Variants in FBXL13 observed in about 807,000 individuals in gnomAD.
The protein encoded by FBXL13 is F-box and leucine-rich repeat protein 13.
FBXL13 carries 67 observed loss-of-function variants against 83.6 expected under a neutral mutation model. That is an observed-to-expected ratio of 0.80 (90% confidence interval 0.66 to 0.98). FBXL13 has a LOEUF of 0.98. FBXL13 is among the 50% of genes least tolerant of loss of function. The pLI is 0.00. For missense variants in FBXL13, 822 were observed against 866.5 expected (o/e 0.95, Z 0.64); for synonymous variants, 272 against 299.5 (o/e 0.91, Z 0.95).
At chr7:103,032,090 A>G (rs1794566545) in intron 2 of FBXL13, among the ~76,000 whole-genome samples, 1 of 152,224 alleles carries the variant, frequency 6.6e-6, no homozygotes, top group African/African-American at 2.4e-5. Context: ...ACATGTTTTT[A>G]TAGATTAGGA....
At chr7:102,875,837 G>A (rs1400807311) in intron 16 of FBXL13, among the ~76,000 whole-genome samples, 1 of 152,092 alleles carries the variant, frequency 6.6e-6, no homozygotes, top group Non-Finnish European at 1.5e-5. Context: ...CTTCATTCAG[G>A]GAAGCTGGAA....
chr7:102,831,187 A>G (rs1299300537), intron 18 of FBXL13, among the ~76,000 whole-genome samples: 1 of 152,176 alleles, frequency 6.6e-6, no homozygotes, highest in Non-Finnish European at 1.5e-5. Context: ...AAGTGCTTGA[A>G]TATCTCTGCA....
chr7:102,969,528 T>C (rs905750306), intron 6 of FBXL13, among the ~76,000 whole-genome samples: 2 of 151,554 alleles, frequency 1.3e-5, no homozygotes, highest in Non-Finnish European at 2.9e-5. Context: ...TCCAGGATTA[T>C]GAAACAGAAA....
At chr7:102,967,125 A>G (rs1388471172) in intron 7 of FBXL13, among the ~76,000 whole-genome samples, 1 of 152,040 alleles carries the variant, frequency 6.6e-6, no homozygotes, top group Non-Finnish European at 1.5e-5. Context: ...GCACGCTACC[A>G]TGCCCAGCTA....
intron 9 of FBXL13, among the ~76,000 whole-genome samples, chr7:102,926,842 A>ATG (rs1204802644): frequency 2.0e-5 from 3 of 152,204 alleles, no homozygotes; most frequent in Admixed American, 6.5e-5. Context: ...TTATACATAG[A>ATG]TGTGTGTGTA....
intron 6 of FBXL13, among the ~76,000 whole-genome samples, chr7:102,993,360 A>G (rs1435729426): frequency 6.6e-6 from 1 of 152,242 alleles, no homozygotes; most frequent in African/African-American, 2.4e-5. Context: ...AAAATGAGTC[A>G]TCAACACAGT....
exon 8 of FBXL13, chr7:102,963,570 A>G: frequency 1.9e-6 from 3 of 1,613,200 alleles, no homozygotes; most frequent in Non-Finnish European, 2.5e-6. Context: ...GAAGACAACC[A>G]CGAAAATTCA....
At chr7:103,071,217 G>GA (rs934578592) in intron 1 of FBXL13, among the ~76,000 whole-genome samples, 8 of 148,454 alleles carry the variant, frequency 5.4e-5, no homozygotes, top group South Asian at 2.1e-4. Context: ...TAAAGAAAAA[G>GA]AAAAAAAAAG....
intron 10 of FBXL13, among the ~76,000 whole-genome samples, chr7:102,925,220 C>T (rs1431076848): frequency 6.6e-6 from 1 of 151,930 alleles, no homozygotes; most frequent in Non-Finnish European, 1.5e-5. Context: ...ATGGTGAAAC[C>T]CCATCTCTAC....
chr7:102,963,591 A>G, exon 8 of FBXL13: 1 of 1,613,292 alleles, frequency 6.2e-7, no homozygotes, highest in Non-Finnish European at 8.5e-7. Context: ...AACGCAGCAC[A>G]TTTAAACGCC....
chr7:103,024,379 T>A (rs1277102204), intron 6 of FBXL13, among the ~76,000 whole-genome samples: 1 of 151,440 alleles, frequency 6.6e-6, no homozygotes, highest in African/African-American at 2.4e-5. Flanking sequence ...ATACAAAAAA[T>A]TAGCTGGGCG....
downstream of FBXL13, among the ~76,000 whole-genome samples, chr7:102,812,177 G>C (rs142273919): frequency 1.3e-5 from 2 of 152,280 alleles, no homozygotes; most frequent in African/African-American, 4.8e-5. Flanking sequence ...CTTGGACTGT[G>C]TCAACATCAG....
At chr7:103,066,455 G>C (rs546551492) in intron 1 of FBXL13, among the ~76,000 whole-genome samples, 1,687 of 151,558 alleles carry the variant, frequency 0.011, 23 homozygotes, top group Non-Finnish European at 0.016. Context: ...GTAGCGGTGC[G>C]ATCTCGGCTC....
intron 6 of FBXL13, among the ~76,000 whole-genome samples, chr7:102,986,662 T>G (rs1254078537): frequency 6.6e-6 from 1 of 152,116 alleles, no homozygotes; most frequent in East Asian, 1.9e-4. Context: ...ATATTAGAAT[T>G]GAATGTGATG....
chr7:103,052,256 C>T (rs1333891038), intron 2 of FBXL13, among the ~76,000 whole-genome samples: 1 of 152,040 alleles, frequency 6.6e-6, no homozygotes, highest in East Asian at 1.9e-4. Flanking sequence ...ATTTAGTATA[C>T]TATACATTTT....
intron 16 of FBXL13, among the ~76,000 whole-genome samples, chr7:102,869,470 T>C (rs1458690600): frequency 6.6e-6 from 1 of 151,886 alleles, no homozygotes; most frequent in South Asian, 2.1e-4. Context: ...AGAAGCTTTT[T>C]AGGTTGATGT....
Position 103,048,376 on chromosome 7 carries a change from A to G in FBXL13, c.-1+7268T>C, listed in dbSNP as rs910823161. On this transcript the variant is annotated intron_variant, in intron 2 of 19. Transcript: ENST00000313221. ...GAGGGAAGACTCAGCTTTCCAAACA[A>G]TCTGTCTTTTGTCTTTCCTTTCTTT... is the stretch of plus-strand genomic sequence containing the variant. Among the ~76,000 whole-genome samples the G allele has an allele frequency of 3.4e-5, 5 of 148,882 alleles. No individual in the cohort carries two copies. In the South Asian group the frequency reaches 1.1e-3, roughly 32 times the overall value.
At chr7:102,811,446 C>G (rs374620875), downstream of FBXL13, among the ~76,000 whole-genome samples, 4 of 152,174 alleles carry the variant, frequency 2.6e-5, no homozygotes, top group African/African-American at 7.2e-5. Flanking sequence ...CTCACTTTTT[C>G]TACTCCTTTT....
At chr7:103,070,878 C>G (rs1798885210) in intron 1 of FBXL13, among the ~76,000 whole-genome samples, 3 of 152,310 alleles carry the variant, frequency 2.0e-5, no homozygotes, top group Admixed American at 1.3e-4. Flanking sequence ...GACTCAAATA[C>G]CTCCCACTGG....
Sources: gnomAD v4.1 joint callset for allele counts (sites outside exome capture counted in the v4.1 genomes callset) on GRCh38, gnomAD v4.1.1 for gene constraint, MANE v1.5 for transcripts, NCBI Gene and HGNC (gene_info 2026-07-23, HGNC 2026-07-21) for gene names.